The following HELZ variants were observed in gnomAD, a reference collection of about 807,000 sequenced individuals.
The protein encoded by HELZ is ATP-dependent RNA helicase with zinc finger domain.
A neutral mutation model predicts 218.2 loss-of-function variants in HELZ; 23 were observed. The observed-to-expected ratio is 0.11, with a 90% CI of 0.08 to 0.15. The LOEUF is 0.15. Ranked by LOEUF, HELZ falls within the 10% of genes least tolerant of loss-of-function variation. The probability of loss-of-function intolerance (pLI) is 1.00; values close to 1 mark genes in which losing one functional copy is unlikely to be tolerated. For synonymous variants in HELZ, 814 were observed against 829.4 expected, an observed-to-expected ratio of 0.98 and a Z score of 0.32; for missense variants, 1,813 against 2,353.7, an observed-to-expected ratio of 0.77 and a Z score of 4.75.
chr17:67,184,820 C>CAAATAAATAAATAAAT (rs3048665), intron 12 of HELZ, among the ~76,000 whole-genome samples: 306 of 150,086 alleles, frequency 2.0e-3, no homozygotes, highest in African/African-American at 4.4e-3. Flanking sequence ...TGTCTCTAAA[C>CAAATAAATAAATAAAT]AAATAAATAA....
At chr17:67,195,536 C>G (rs2040000518) in intron 7 of HELZ, 66 bp from the exon 8 acceptor site, 1 of 855,124 alleles carries the variant, frequency 1.2e-6, no homozygotes. Flanking sequence ...TAAACTTGAA[C>G]ATTTTCAATA....
At chr17:67,190,115 T>C in intron 10 of HELZ, 42 bp downstream of exon 10, 1 of 1,529,150 alleles carries the variant, frequency 6.5e-7, no homozygotes. Flanking sequence ...TCAAGTTCAT[T>C]GTTTAAGACA....
chr17:67,216,377 C>T (rs1363360127), intron 4 of HELZ, among the ~76,000 whole-genome samples: 4 of 152,266 alleles, frequency 2.6e-5, no homozygotes, highest in East Asian at 3.9e-4. Flanking sequence ...CAGCCGCCTA[C>T]GCAGGTATGG....
intron 12 of HELZ, among the ~76,000 whole-genome samples, chr17:67,181,473 C>G (rs2039611146): frequency 6.6e-6 from 1 of 152,124 alleles, no homozygotes; most frequent in Non-Finnish European, 1.5e-5. Flanking sequence ...CTGATTCCCA[C>G]CTGGATTTTA....
At chr17:67,245,321 G>A (rs544381999), upstream of HELZ, 1,958 of 761,974 alleles carry the variant, frequency 2.6e-3, 3 homozygotes, top group Non-Finnish European at 3.0e-3. Context: ...CGGGTGGACT[G>A]CCGACCCCGG....
chr17:67,142,336 A>G (rs969467606), intron 21 of HELZ, among the ~76,000 whole-genome samples: 3 of 152,030 alleles, frequency 2.0e-5, no homozygotes, highest in Admixed American at 1.3e-4. Flanking sequence ...GCCAAACTCC[A>G]TCTCTACAAA....
chr17:67,155,219 A>G (rs552574139), intron 17 of HELZ, among the ~76,000 whole-genome samples: 4 of 152,346 alleles, frequency 2.6e-5, no homozygotes, highest in Non-Finnish European at 5.9e-5. Context: ...GGGATCTAAT[A>G]TAGGAGAGAA....
chr17:67,144,829 A>G (rs932718135), intron 21 of HELZ, among the ~76,000 whole-genome samples: 1 of 152,152 alleles, frequency 6.6e-6, no homozygotes, highest in South Asian at 2.1e-4. Context: ...GTTATTTTCA[A>G]TATTTCAAAT....
rs537877710 is a variant in HELZ at position 67,124,896 on chromosome 17, T to C, written c.3388-882A>G. Reference sequence around the variant, plus strand: ...TTAAAAAAAAAATTCTCTCTTCCCATGGGCTAAAAGTAACACGTATCAAGC... The same window carrying C: ...TTAAAAAAAAAATTCTCTCTTCCCACGGGCTAAAAGTAACACGTATCAAGC... On this transcript the variant is annotated intron_variant, in intron 24 of 32. Coordinates refer to ENST00000358691, the MANE Select transcript of HELZ (RefSeq NM_014877.4). Among the ~76,000 whole-genome samples the C allele has an allele frequency of 1.4e-3, 206 of 152,172 alleles. 4 individuals are homozygous for C. Among genetic ancestry groups the C allele is most frequent in the Non-Finnish European group, 1.4e-3 (96 of 68,002 alleles).
chr17:67,193,042 C>G (rs1400809920), intron 9 of HELZ, among the ~76,000 whole-genome samples: 1 of 152,102 alleles, frequency 6.6e-6, no homozygotes, highest in African/African-American at 2.4e-5. Flanking sequence ...AAGTAAATTT[C>G]ACATTAACAA....
intron 27 of HELZ, among the ~76,000 whole-genome samples, chr17:67,119,587 C>T (rs72838407): frequency 0.011 from 1,603 of 152,124 alleles, 11 homozygotes; most frequent in Non-Finnish European, 0.018. Flanking sequence ...CATCAATGTA[C>T]GTTTTAAAAG....
chr17:67,188,684 C>G lies in HELZ; in HGVS notation c.865-68G>C, dbSNP rs912710461. 1 of 1,267,560 alleles carries G rather than the reference C, an allele frequency of 7.9e-7. No individual in the cohort carries two copies. The highest frequency in any genetic ancestry group is 1.1e-6 in the Non-Finnish European group (1 of 903,658). The allele number at this position is 1,267,560 out of a possible 1,614,324, so 78.5% of individuals were successfully genotyped here. A position where few individuals can be genotyped will look rare whatever the true frequency, so the allele number is the denominator to read the frequency against. ...AAAATCCAATTGTAATTGGGCTCTT[C>G]AATGAAAATATTTCCATAAGGGACT... On this transcript the variant is annotated intron_variant, in intron 11 of 32. Coordinates refer to ENST00000358691, the MANE Select transcript of HELZ (RefSeq NM_014877.4). The surrounding 1 kb of genome is among the most constrained non-coding windows in gnomAD (Gnocchi z 4.1).
At chr17:67,238,262 G>A (rs979455240) in intron 3 of HELZ, among the ~76,000 whole-genome samples, 3 of 142,738 alleles carry the variant, frequency 2.1e-5, no homozygotes, top group African/African-American at 5.3e-5. Context: ...AAGGAGAATC[G>A]CTTGAACCTG....
At chr17:67,214,871 T>A (rs1307186433) in intron 5 of HELZ, among the ~76,000 whole-genome samples, 1 of 151,988 alleles carries the variant, frequency 6.6e-6, no homozygotes, top group Non-Finnish European at 1.5e-5. Context: ...GGAGACCAGG[T>A]GCGGTGGCTC....
chr17:67,195,852 CTTT>C (rs1238942016), intron 7 of HELZ, among the ~76,000 whole-genome samples: 3 of 84,868 alleles, frequency 3.5e-5, no homozygotes, highest in African/African-American at 1.2e-4. Context: ...TTTTTTTTTT[CTTT>C]TTTTTTTTTT....
At chr17:67,181,413 G>C (rs1024309311) in intron 12 of HELZ, among the ~76,000 whole-genome samples, 2 of 152,142 alleles carry the variant, frequency 1.3e-5, no homozygotes, top group African/African-American at 2.4e-5. Flanking sequence ...TTGGGGAAAA[G>C]TGGCATGAGC....
At chr17:67,147,678 CT>C (rs1397090909) in intron 20 of HELZ, among the ~76,000 whole-genome samples, 1 of 142,342 alleles carries the variant, frequency 7.0e-6, no homozygotes, top group Non-Finnish European at 1.6e-5. Context: ...AAGGGGGGGT[CT>C]TTCTATGTTG....
At chr17:67,101,835 G>A (rs2036939842) in intron 31 of HELZ, among the ~76,000 whole-genome samples, 1 of 152,224 alleles carries the variant, frequency 6.6e-6, no homozygotes, top group Admixed American at 6.5e-5. Flanking sequence ...TAAACGTCTA[G>A]AGAAAATGTA....
rs955142663 is a variant in HELZ, at chr17:67,108,748, A to T, written c.4490-22T>A. Reference sequence around the variant, plus strand: ...CGATCTGCAAAAATATTTGTGAAAAATTTTTTATGAATTTGGGGTTTCAAG... The same window carrying T: ...CGATCTGCAAAAATATTTGTGAAAATTTTTTTATGAATTTGGGGTTTCAAG... On this transcript the variant is annotated intron_variant, in intron 29 of 32. Transcript: ENST00000358691. This position sits in a 1 kb window ranked among gnomAD's most constrained non-coding sequence, Gnocchi z 4.1. 26 of 1,523,500 alleles carry T rather than the reference A, an allele frequency of 1.7e-5. No individual in the cohort carries two copies. The highest frequency in any genetic ancestry group is 2.0e-5 in the Non-Finnish European group (23 of 1,127,412). 94.4% of individuals were successfully genotyped at this position (1,523,500 alleles called of 1,614,324 possible). A position where few individuals can be genotyped will look rare whatever the true frequency, so the allele number is the denominator to read the frequency against.
Sources: allele counts gnomAD v4.1 joint callset (sites outside exome capture counted in the v4.1 genomes callset), GRCh38; gene constraint gnomAD v4.1.1; non-coding constraint Gnocchi (gnomAD v3.1); transcripts MANE v1.5; gene names NCBI Gene and HGNC (gene_info 2026-07-23, HGNC 2026-07-21).